The following TRHDE variants were observed in gnomAD, a reference collection of about 807,000 sequenced individuals.
TRHDE encodes the protein thyrotropin-releasing hormone-degrading ectoenzyme.
Under a neutral mutation model 125.7 loss-of-function variants are expected in TRHDE, and 72 were observed. The ratio of observed to expected loss-of-function variants is 0.57; its 90% CI spans 0.47 to 0.70. TRHDE has a LOEUF of 0.70. Ranked by LOEUF, TRHDE falls within the 30% of genes least tolerant of loss-of-function variation. The pLI, the probability that TRHDE is intolerant of heterozygous loss-of-function variation, is 0.00. For missense variants in TRHDE, 1,110 were observed against 1,327.1 expected, an observed-to-expected ratio of 0.84 and a Z score of 2.54; for synonymous variants, 509 against 509.1, an observed-to-expected ratio of 1.00 and a Z score of 0.00.
chr12:72,259,813 G>A (rs750854666), intron 2 of TRHDE, among the ~76,000 whole-genome samples: 4 of 152,034 alleles, frequency 2.6e-5, no homozygotes, highest in African/African-American at 4.8e-5. Flanking sequence ...TCTAGCTCCC[G>A]CTTTGTGTGG....
chr12:72,387,286 C>T (rs911823237), intron 3 of TRHDE, among the ~76,000 whole-genome samples: 2 of 152,176 alleles, frequency 1.3e-5, no homozygotes, highest in Non-Finnish European at 2.9e-5. Context: ...ATCAGCAAAT[C>T]CTTTTGGCTC....
chr12:72,550,302 CT>C (rs1051112645), intron 7 of TRHDE, among the ~76,000 whole-genome samples: 2 of 151,958 alleles, frequency 1.3e-5, no homozygotes, highest in Non-Finnish European at 2.9e-5. Flanking sequence ...GTCTCTGACT[CT>C]TTGTACACAT....
At chr12:72,290,135 G>A (rs1880032266) in intron 2 of TRHDE, among the ~76,000 whole-genome samples, 1 of 152,214 alleles carries the variant, frequency 6.6e-6, no homozygotes, top group Non-Finnish European at 1.5e-5. Context: ...CTAGGGATGT[G>A]CTTCATGGAG....
intron 2 of TRHDE, among the ~76,000 whole-genome samples, chr12:72,222,402 C>T (rs1185683079): frequency 1.3e-5 from 2 of 152,066 alleles, no homozygotes; most frequent in East Asian, 3.9e-4. Flanking sequence ...GGAAAGTCTC[C>T]TCATCTCTCT....
At chr12:72,519,055 C>G (rs1302245386) in intron 6 of TRHDE, among the ~76,000 whole-genome samples, 1 of 152,190 alleles carries the variant, frequency 6.6e-6, no homozygotes, top group South Asian at 2.1e-4. Context: ...GTAACCCAAC[C>G]TTTCCCTCTG....
chr12:72,642,086 C>T (rs1874088812), intron 15 of TRHDE, among the ~76,000 whole-genome samples: 1 of 152,194 alleles, frequency 6.6e-6, no homozygotes, highest in South Asian at 2.1e-4. Context: ...AGGAGGTCCT[C>T]TCAAGAACCT....
chr12:72,602,284 C>A (rs1302537418), intron 12 of TRHDE, among the ~76,000 whole-genome samples: 1 of 152,072 alleles, frequency 6.6e-6, no homozygotes, highest in Non-Finnish European at 1.5e-5. Context: ...AAAACAGAGA[C>A]AGACACAACT....
chr12:72,348,052 T>C (rs1429056681), intron 2 of TRHDE, among the ~76,000 whole-genome samples: 1 of 152,024 alleles, frequency 6.6e-6, no homozygotes, highest in African/African-American at 2.4e-5. Flanking sequence ...TTAAAAAATA[T>C]TTTAATTGAC....
chr12:72,651,613 T>C (rs1269146099), intron 15 of TRHDE, among the ~76,000 whole-genome samples: 1 of 151,790 alleles, frequency 6.6e-6, no homozygotes, highest in Non-Finnish European at 1.5e-5. Flanking sequence ...CTTAAAGAAA[T>C]AATATTTAGT....
At chr12:72,335,130 A>G (rs529963522) in intron 2 of TRHDE, among the ~76,000 whole-genome samples, 12 of 152,194 alleles carry the variant, frequency 7.9e-5, no homozygotes, top group Admixed American at 1.3e-4. Flanking sequence ...TGCTTCTGAC[A>G]TGAGAGAGTT....
At chr12:72,433,235 A>G (rs1049454847) in intron 3 of TRHDE, among the ~76,000 whole-genome samples, 4 of 152,088 alleles carry the variant, frequency 2.6e-5, no homozygotes, top group African/African-American at 7.2e-5. Flanking sequence ...GTCTATACTC[A>G]TGAGATGTTG....
At chr12:72,375,686 C>T (rs1393654862) in intron 2 of TRHDE, among the ~76,000 whole-genome samples, 1 of 152,120 alleles carries the variant, frequency 6.6e-6, no homozygotes, top group Non-Finnish European at 1.5e-5. Context: ...TTTTACCATT[C>T]ATATGGCAGG....
At chr12:72,196,334 A>G (rs543638560) in intron 2 of TRHDE, among the ~76,000 whole-genome samples, 1 of 152,272 alleles carries the variant, frequency 6.6e-6, no homozygotes, top group South Asian at 2.1e-4. Flanking sequence ...TTTTAACAAT[A>G]TTGAATCTTC....
intron 15 of TRHDE, among the ~76,000 whole-genome samples, chr12:72,626,312 C>T (rs1334515646): frequency 6.6e-6 from 1 of 151,794 alleles, no homozygotes; most frequent in Non-Finnish European, 1.5e-5. Flanking sequence ...TAAAAGAATG[C>T]CTATATAATA....
At chr12:72,378,210 G>C in intron 3 of TRHDE, 89 bp downstream of exon 3, 1 of 1,218,942 alleles carries the variant, frequency 8.2e-7, no homozygotes, top group Non-Finnish European at 1.1e-6. Context: ...CCAGAAGCAT[G>C]AAAATTCTGA....
At chr12:72,447,348 C>A (rs1456584586) in intron 3 of TRHDE, among the ~76,000 whole-genome samples, 2 of 152,152 alleles carry the variant, frequency 1.3e-5, no homozygotes, top group African/African-American at 4.8e-5. Context: ...ACCAGAATCT[C>A]TGGGACACAT....
At chr12:72,595,112 G>C (rs1871874476) in intron 12 of TRHDE, among the ~76,000 whole-genome samples, 3 of 113,016 alleles carry the variant, frequency 2.7e-5, no homozygotes, top group South Asian at 7.5e-4. Context: ...GGGGACTGTT[G>C]TGGGGTGGGG....
chr12:72,188,483 A>T (rs1877272167), intron 2 of TRHDE, among the ~76,000 whole-genome samples: 1 of 152,234 alleles, frequency 6.6e-6, no homozygotes, highest in Non-Finnish European at 1.5e-5. Flanking sequence ...ACCCTGTACC[A>T]AGTAGAGTTG....
At chr12:72,147,471 T>C (rs947679543) in intron 2 of TRHDE, 2 of 152,280 alleles carry the variant, frequency 1.3e-5, no homozygotes, top group Non-Finnish European at 2.9e-5. Context: ...ATAATAGTAA[T>C]AGGCTAAATT....
Sources: allele counts gnomAD v4.1 joint callset (sites outside exome capture counted in the v4.1 genomes callset), GRCh38; gene constraint gnomAD v4.1.1; transcripts MANE v1.5; gene names NCBI Gene and HGNC (gene_info 2026-07-23, HGNC 2026-07-21).